Variants in ZNF804B observed in about 807,000 individuals in gnomAD.
ZNF804B encodes zinc finger protein 804B.
ZNF804B carries 80 observed loss-of-function variants against 101.4 expected under a neutral mutation model. The observed-to-expected ratio is 0.79, with a 90% CI of 0.66 to 0.95. The LOEUF (loss-of-function observed/expected upper bound fraction) is 0.95. ZNF804B is among the 40% of genes least tolerant of loss of function. ZNF804B has a pLI of 0.00. For missense variants in ZNF804B, 1,673 were observed against 1,561.9 expected (o/e 1.07, Z -1.20); for synonymous variants, 622 against 558.8 (o/e 1.11, Z -1.59).
chr7:89,040,102 G>A (rs1788993085), intron 1 of ZNF804B, among the ~76,000 whole-genome samples: 1 of 151,794 alleles, frequency 6.6e-6, no homozygotes, highest in African/African-American at 2.4e-5. Flanking sequence ...CATTCTAGGA[G>A]TTCTATAGTG....
At chr7:89,147,704 A>G (rs1303148252) in intron 1 of ZNF804B, among the ~76,000 whole-genome samples, 3 of 151,904 alleles carry the variant, frequency 2.0e-5, no homozygotes, top group African/African-American at 4.8e-5. Flanking sequence ...GAGCTCTGCC[A>G]CCTGTCAGAT....
chr7:89,024,999 G>A (rs912151980), intron 1 of ZNF804B, among the ~76,000 whole-genome samples: 9 of 151,958 alleles, frequency 5.9e-5, no homozygotes, highest in East Asian at 3.9e-4. Flanking sequence ...AGATGCAGCC[G>A]TACAACCCAC....
At position 89,192,603 on chromosome 7, in the gene ZNF804B, A is replaced by C. The variant is rs138835102; in HGVS notation, c.109-25552A>C. Among the ~76,000 whole-genome samples, 69 of 152,172 alleles carry C rather than the reference A, an allele frequency of 4.5e-4. 1 individual carries two copies. In the East Asian group the frequency reaches 8.9e-3, roughly 20 times the overall value. ...TATATTACCATTACCATTTATACTGAAACTATTCCAGAAAATTGGGAAGGA... is the reference window on the plus strand; with the variant it reads ...TATATTACCATTACCATTTATACTGCAACTATTCCAGAAAATTGGGAAGGA... On this transcript the variant is annotated intron_variant, in intron 1 of 3. Transcript: ENST00000333190.
intron 1 of ZNF804B, among the ~76,000 whole-genome samples, chr7:88,877,032 T>TATATATA (rs1791958266): frequency 4.4e-5 from 2 of 44,968 alleles, no homozygotes; most frequent in South Asian, 7.5e-4. Flanking sequence ...ATATAATATA[T>TATATATA]ATATATATAT....
intron 1 of ZNF804B, among the ~76,000 whole-genome samples, chr7:88,920,040 T>C (rs1792697229): frequency 6.6e-6 from 1 of 152,066 alleles, no homozygotes. Flanking sequence ...ACAATTCAGG[T>C]ACAGTAAAGT....
intron 1 of ZNF804B, among the ~76,000 whole-genome samples, chr7:88,960,863 A>G (rs1220106319): frequency 6.6e-6 from 1 of 151,416 alleles, no homozygotes; most frequent in Non-Finnish European, 1.5e-5. Context: ...TGAAAAAAAG[A>G]AAATATTCAA....
At chr7:89,234,127 A>C (rs1789243152) in intron 2 of ZNF804B, among the ~76,000 whole-genome samples, 1 of 152,240 alleles carries the variant, frequency 6.6e-6, no homozygotes, top group Non-Finnish European at 1.5e-5. Flanking sequence ...TTTTTGACTT[A>C]TAATCCAAGA....
chr7:88,864,170 A>G (rs1227988347), intron 1 of ZNF804B, among the ~76,000 whole-genome samples: 1 of 152,148 alleles, frequency 6.6e-6, no homozygotes, highest in Non-Finnish European at 1.5e-5. Flanking sequence ...GTTTGTTTTT[A>G]TACCTCTCAC....
chr7:89,272,797 A>G (rs1187987962), intron 2 of ZNF804B, among the ~76,000 whole-genome samples: 1 of 152,062 alleles, frequency 6.6e-6, no homozygotes, highest in Non-Finnish European at 1.5e-5. Flanking sequence ...ACCACCTACC[A>G]TCAGATCAGG....
At chr7:88,859,637 A>T (rs1250972268) in intron 1 of ZNF804B, among the ~76,000 whole-genome samples, 1 of 152,012 alleles carries the variant, frequency 6.6e-6, no homozygotes, top group East Asian at 1.9e-4. Context: ...AATTAATAAG[A>T]TAATTTATAA....
At chr7:89,178,168 G>A (rs1428352721) in intron 1 of ZNF804B, among the ~76,000 whole-genome samples, 2 of 151,910 alleles carry the variant, frequency 1.3e-5, no homozygotes, top group Non-Finnish European at 2.9e-5. Flanking sequence ...GTCTCTATAG[G>A]TGAAGTATAT....
At chr7:89,258,080 T>G (rs539120529) in intron 2 of ZNF804B, among the ~76,000 whole-genome samples, 1 of 151,948 alleles carries the variant, frequency 6.6e-6, no homozygotes, top group Non-Finnish European at 1.5e-5. Context: ...TGGAAAAAAA[T>G]ACAATAAAAA....
At chr7:88,831,361 T>A (rs558475697) in intron 1 of ZNF804B, among the ~76,000 whole-genome samples, 1 of 152,102 alleles carries the variant, frequency 6.6e-6, no homozygotes, top group East Asian at 1.9e-4. Context: ...TATAATGTAT[T>A]CTATGGTAAA....
rs185157735 is a variant in ZNF804B, at chr7:88,802,107, G to T, written c.108+42023G>T. Among the ~76,000 whole-genome samples the T allele has an allele frequency of 7.8e-3, 1,192 of 152,070 alleles. 8 individuals are homozygous for T. Among genetic ancestry groups the T allele is most frequent in the Middle Eastern group, 0.02 (6 of 294 alleles). On this transcript the variant is annotated intron_variant, in intron 1 of 3. Transcript: ENST00000333190. ...AAAAATGGCGGTATCTCCTGTGCTC[G>T]CTCCCTCCCGCCTCAAGTGAAGAAG...
intron 2 of ZNF804B, among the ~76,000 whole-genome samples, chr7:89,262,751 G>A (rs1789729377): frequency 6.6e-6 from 1 of 151,782 alleles, no homozygotes; most frequent in East Asian, 1.9e-4. Flanking sequence ...TTAGTTTTTT[G>A]TTACAATCTC....
chr7:89,162,025 T>C (rs756768561), intron 1 of ZNF804B, among the ~76,000 whole-genome samples: 14 of 152,182 alleles, frequency 9.2e-5, no homozygotes, highest in Non-Finnish European at 2.1e-4. Context: ...ATTTGTCATA[T>C]GATATGTCAT....
intron 1 of ZNF804B, among the ~76,000 whole-genome samples, chr7:89,042,614 T>C (rs1789032876): frequency 6.6e-6 from 1 of 152,160 alleles, no homozygotes; most frequent in African/African-American, 2.4e-5. Flanking sequence ...GGTAAAAAGC[T>C]TTCACTGTAA....
chr7:89,057,958 A>G (rs931198299), intron 1 of ZNF804B, among the ~76,000 whole-genome samples: 2 of 152,128 alleles, frequency 1.3e-5, no homozygotes, highest in East Asian at 1.9e-4. Context: ...TAAGTGTGCA[A>G]GTAAAGAGAA....
Position 88,804,313 on chromosome 7 carries a change from A to G in ZNF804B, c.108+44229A>G, listed in dbSNP as rs535764425. On this transcript the variant is annotated intron_variant, in intron 1 of 3. Transcript: ENST00000333190. Reference sequence around the variant, plus strand: ...TAATCCTAGGTTTTTACCTATTAAAAACTAGCATGCTGGGTTTCTTTTTGT... The same window carrying G: ...TAATCCTAGGTTTTTACCTATTAAAGACTAGCATGCTGGGTTTCTTTTTGT... Among the ~76,000 whole-genome samples the G allele has an allele frequency of 3.3e-5, 5 of 152,200 alleles. No individual in the cohort carries two copies. In the East Asian group the frequency reaches 9.7e-4, roughly 29 times the overall value.
Sources: gnomAD v4.1 joint callset for allele counts (sites outside exome capture counted in the v4.1 genomes callset) on GRCh38, gnomAD v4.1.1 for gene constraint, MANE v1.5 for transcripts, NCBI Gene and HGNC (gene_info 2026-07-23, HGNC 2026-07-21) for gene names.